PHF20: variants seen among roughly 807,000 people sequenced by gnomAD.
The protein encoded by PHF20 is glioma-expressed antigen 2.
PHF20 carries 23 observed loss-of-function variants against 113.5 expected under a neutral mutation model. That is an observed-to-expected ratio of 0.20 (90% confidence interval 0.15 to 0.29). The LOEUF is 0.29. Ranked by LOEUF, PHF20 falls within the 10% of genes least tolerant of loss-of-function variation. The probability of loss-of-function intolerance (pLI) is 1.00; values close to 1 mark genes in which losing one functional copy is unlikely to be tolerated. For synonymous variants in PHF20, 434 were observed against 457.3 expected (o/e 0.95, Z 0.65); for missense variants, 943 against 1,219.6 (o/e 0.77, Z 3.38).
intron 2 of PHF20, among the ~76,000 whole-genome samples, chr20:35,820,010 G>A (rs1007798906): frequency 6.6e-6 from 1 of 152,202 alleles, no homozygotes; most frequent in African/African-American, 2.4e-5. Context: ...AATAGAAGCA[G>A]AAAGCAGTTA....
At chr20:35,850,394 CA>C (rs1172085598) in intron 4 of PHF20, among the ~76,000 whole-genome samples, 2 of 146,112 alleles carry the variant, frequency 1.4e-5, no homozygotes, top group African/African-American at 5.0e-5. Flanking sequence ...CTGCAACCTC[CA>C]CCTCCTGGGT....
intron 5 of PHF20, among the ~76,000 whole-genome samples, chr20:35,858,771 C>A (rs1243500997): frequency 1.3e-5 from 2 of 152,138 alleles, no homozygotes; most frequent in African/African-American, 4.8e-5. Flanking sequence ...CGGGGTTTCA[C>A]CGTATTGGTC....
At chr20:35,881,248 G>A (rs1435609078) in intron 9 of PHF20, among the ~76,000 whole-genome samples, 1 of 151,626 alleles carries the variant, frequency 6.6e-6, no homozygotes, top group African/African-American at 2.4e-5. Flanking sequence ...AGTAGAGGCT[G>A]GGTTTCACCA....
intron 2 of PHF20, among the ~76,000 whole-genome samples, chr20:35,811,923 A>G (rs958577977): frequency 6.6e-6 from 1 of 151,596 alleles, no homozygotes; most frequent in African/African-American, 2.4e-5. Flanking sequence ...GGCACCCGCC[A>G]CCACGCCCGG....
intron 3 of PHF20, among the ~76,000 whole-genome samples, chr20:35,846,289 C>T (rs967880849): frequency 6.6e-6 from 1 of 151,874 alleles, no homozygotes; most frequent in African/African-American, 2.4e-5. Context: ...AAGTGATTCT[C>T]CTGCCTCAGC....
In PHF20 at chr20:35,814,338, C is replaced by A. The variant is rs1188843391; in HGVS notation, c.83+12733C>A. 2.0e-5 allele frequency among the ~76,000 whole-genome samples: 3 copies of A among 151,876 alleles called. No individual in the cohort carries two copies. In the East Asian group the frequency reaches 6.0e-4, roughly 30 times the overall value. On this transcript the variant is annotated intron_variant, in intron 2 of 17. Coordinates refer to ENST00000374012, the MANE Select transcript of PHF20 (RefSeq NM_016436.5). Reference sequence around the variant, plus strand: ...GTTCAAGCAATTCTCCTGCCTCAGCCTCCCAAGTAGCTGGGACTACAGGCG... The same window carrying A: ...GTTCAAGCAATTCTCCTGCCTCAGCATCCCAAGTAGCTGGGACTACAGGCG...
At chr20:35,860,888 G>A (rs2064511) in intron 5 of PHF20, among the ~76,000 whole-genome samples, 26,847 of 152,118 alleles carry the variant, frequency 0.18, 2,598 homozygotes, top group South Asian at 0.36. Context: ...TTTACTCTGC[G>A]ATACTCAGTA....
chr20:35,810,163 C>T (rs1171807151), intron 2 of PHF20, among the ~76,000 whole-genome samples: 1 of 152,110 alleles, frequency 6.6e-6, no homozygotes, highest in African/African-American at 2.4e-5. Flanking sequence ...CTCGTGACCT[C>T]AGGTGATCTG....
At position 35,938,809 on chromosome 20, in the gene PHF20, G is replaced by C; in HGVS notation, c.2413G>C (p.Glu805Gln). The C allele has an allele frequency of 6.2e-7, 1 of 1,614,166 alleles. No individual in the cohort carries two copies. The highest frequency in any genetic ancestry group is 8.5e-7 in the Non-Finnish European group (1 of 1,180,008). The change falls in exon 16 of 18, where the codon GAA (glutamate) becomes CAA (glutamine). Residue 805 changes from glutamate (E) to glutamine (Q), a missense_variant. This residue lies in a region of PHF20 where 349 missense variants were observed against 412.3 expected (regional missense o/e 0.85). Coordinates refer to ENST00000374012, the MANE Select transcript of PHF20 (RefSeq NM_016436.5). The part of the protein sequence containing the change: ...IPVTDTRSKE[E>Q]APSYRTLNGA... Reference sequence around the variant, plus strand: ...TGTCACTGACACCAGGAGCAAGGAGGAAGCTCCAAGCTATAGAACTTTGAA... The same window carrying C: ...TGTCACTGACACCAGGAGCAAGGAGCAAGCTCCAAGCTATAGAACTTTGAA...
At chr20:35,912,441 TA>T (rs1285735338) in intron 10 of PHF20, among the ~76,000 whole-genome samples, 2 of 152,184 alleles carry the variant, frequency 1.3e-5, no homozygotes, top group African/African-American at 4.8e-5. Flanking sequence ...GTAGAGAGGA[TA>T]AAGTTTTGGT....
chr20:35,821,744 TATTAGTCC>T lies in PHF20; in HGVS notation c.83+20142_83+20149del, dbSNP rs375138683. 3.8e-4 allele frequency among the ~76,000 whole-genome samples: 58 copies of T among 152,328 alleles called. 1 individual carries two copies. The highest frequency in any genetic ancestry group is 1.3e-3 in the African/African-American group (54 of 41,578). On this transcript the variant is annotated intron_variant, in intron 2 of 17. Coordinates refer to ENST00000374012, the MANE Select transcript of PHF20 (RefSeq NM_016436.5). ...AAACAAGAAGAGCAAGGATCTTTTG[TATTAGTCC>T]ATGTGAAAGATGATAGTTGTTTGAA... is the stretch of plus-strand genomic sequence containing the variant.
intron 1 of PHF20, among the ~76,000 whole-genome samples, chr20:35,800,581 G>A (rs1391827060): frequency 6.6e-6 from 1 of 152,090 alleles, no homozygotes; most frequent in East Asian, 1.9e-4. Context: ...TACCAGCCTG[G>A]CCAACATGGT....
intron 16 of PHF20, 84 bp downstream of exon 16, chr20:35,939,192 A>G (rs1281764797): frequency 7.5e-7 from 1 of 1,334,450 alleles, no homozygotes; most frequent in Non-Finnish European, 1.0e-6. Flanking sequence ...TCTATGGAAG[A>G]TATTTATTAA....
At chr20:35,882,502 A>G (rs1055243508) in intron 9 of PHF20, among the ~76,000 whole-genome samples, 2 of 152,206 alleles carry the variant, frequency 1.3e-5, no homozygotes, top group Middle Eastern at 3.2e-3. Flanking sequence ...ATCATAGCTC[A>G]CTGCAGCCTC....
chr20:35,788,405 T>A (rs1419597299), intron 1 of PHF20, among the ~76,000 whole-genome samples: 5 of 151,250 alleles, frequency 3.3e-5, no homozygotes, highest in East Asian at 2.0e-4. Flanking sequence ...CTATTTTTTT[T>A]ATTTTTTGTA....
At chr20:35,916,611 C>T (rs569473189) in intron 12 of PHF20, among the ~76,000 whole-genome samples, 13 of 151,824 alleles carry the variant, frequency 8.6e-5, no homozygotes, top group Admixed American at 1.3e-4. Context: ...GGATTACAGG[C>T]GCACACCACC....
intron 17 of PHF20, among the ~76,000 whole-genome samples, chr20:35,942,818 G>A (rs1186259394): frequency 6.6e-6 from 1 of 151,880 alleles, no homozygotes; most frequent in African/African-American, 2.4e-5. Context: ...GATAAACTAA[G>A]CTTTCTTTCT....
intron 2 of PHF20, among the ~76,000 whole-genome samples, chr20:35,814,384 AT>A (rs1342667496): frequency 6.6e-6 from 1 of 151,466 alleles, no homozygotes; most frequent in Non-Finnish European, 1.5e-5. Flanking sequence ...TGCCTGGCTA[AT>A]TTTGTATTTT....
In PHF20 at chr20:35,927,202, T is replaced by C. The variant is rs564745472; in HGVS notation, c.2005-578T>C. On this transcript the variant is annotated intron_variant, in intron 13 of 17. Transcript: ENST00000374012. ...CCTTTGCCTTTCAATAGCTATGTGA[T>C]CTTTGGTAAGGTTTAGAGAGAATAA... is the stretch of plus-strand genomic sequence containing the variant. Among the ~76,000 whole-genome samples the C allele has an allele frequency of 1.4e-3, 216 of 152,340 alleles. 2 individuals carry two copies. The highest frequency in any genetic ancestry group is 5.0e-3 in the African/African-American group (208 of 41,574).
Sources: gnomAD v4.1 joint callset for allele counts (sites outside exome capture counted in the v4.1 genomes callset) on GRCh38, gnomAD v4.1.1 for gene constraint, gnomAD v4.1.1 regional missense constraint, MANE v1.5 for transcripts, NCBI Gene and HGNC (gene_info 2026-07-23, HGNC 2026-07-21) for gene names.